Variants in OSBPL1A observed in about 807,000 individuals in gnomAD.
OSBPL1A encodes oxysterol-binding protein-related protein 1.
Under a neutral mutation model 137.1 loss-of-function variants are expected in OSBPL1A, and 80 were observed. That is an observed-to-expected ratio of 0.58 (90% CI 0.49 to 0.70). The LOEUF is 0.70. Ranked by LOEUF, OSBPL1A falls within the 30% of genes least tolerant of loss-of-function variation. The pLI is 0.00. For missense variants in OSBPL1A, 970 were observed against 1,129.4 expected, an observed-to-expected ratio of 0.86 and a Z score of 2.02; for synonymous variants, 365 against 389.7, an observed-to-expected ratio of 0.94 and a Z score of 0.75.
chr18:24,315,867 ATATAT>A (rs2090724557), intron 11 of OSBPL1A, among the ~76,000 whole-genome samples: 1 of 125,248 alleles, frequency 8.0e-6, no homozygotes, highest in South Asian at 2.2e-4. Flanking sequence ...AATATATAGT[ATATAT>A]TATATAATAA....
At chr18:24,234,525 AG>A (rs143292137) in intron 16 of OSBPL1A, among the ~76,000 whole-genome samples, 5,996 of 152,170 alleles carry the variant, frequency 0.039, 141 homozygotes, top group African/African-American at 0.049. Flanking sequence ...AAGCGATCCC[AG>A]GGGGGACGCC....
At chr18:24,376,960 C>G (rs957899352) in intron 2 of OSBPL1A, among the ~76,000 whole-genome samples, 2 of 152,220 alleles carry the variant, frequency 1.3e-5, no homozygotes, top group Non-Finnish European at 2.9e-5. Flanking sequence ...TTCCCGCTAG[C>G]GCCTCTCCTT....
intron 15 of OSBPL1A, among the ~76,000 whole-genome samples, chr18:24,258,654 G>C (rs1378609092): frequency 6.6e-6 from 1 of 152,140 alleles, no homozygotes; most frequent in Non-Finnish European, 1.5e-5. Context: ...ATGCTTGAGG[G>C]AATGGCTATC....
intron 19 of OSBPL1A, among the ~76,000 whole-genome samples, chr18:24,180,525 AAAG>A (rs1311555559): frequency 6.6e-6 from 1 of 152,022 alleles, no homozygotes; most frequent in Non-Finnish European, 1.5e-5. Context: ...AGAAAGTCTG[AAAG>A]AAGAAAGGTT....
intron 18 of OSBPL1A, among the ~76,000 whole-genome samples, chr18:24,194,093 T>C (rs2086961879): frequency 6.6e-6 from 1 of 152,130 alleles, no homozygotes; most frequent in Non-Finnish European, 1.5e-5. Context: ...TGACACCCAG[T>C]GAAACAGGAG....
chr18:24,396,356 CACA>C (rs1283699908), intron 1 of OSBPL1A, among the ~76,000 whole-genome samples: 1 of 152,034 alleles, frequency 6.6e-6, no homozygotes, highest in Admixed American at 6.6e-5. Context: ...TCTGCTGATT[CACA>C]ACGAGATATT....
chr18:24,319,565 C>T (rs1327053110), intron 7 of OSBPL1A, among the ~76,000 whole-genome samples: 1 of 152,106 alleles, frequency 6.6e-6, no homozygotes, highest in East Asian at 1.9e-4. Flanking sequence ...ATTTTTCCAA[C>T]CTTACACATG....
At chr18:24,372,604 G>A (rs907254874) in intron 2 of OSBPL1A, among the ~76,000 whole-genome samples, 23 of 152,050 alleles carry the variant, frequency 1.5e-4, no homozygotes, top group Admixed American at 1.4e-3. Context: ...CAATTAGCTC[G>A]ACTGACTCCA....
At chr18:24,264,766 A>G (rs963323604) in intron 15 of OSBPL1A, among the ~76,000 whole-genome samples, 13 of 152,324 alleles carry the variant, frequency 8.5e-5, no homozygotes, top group African/African-American at 3.1e-4. Context: ...TGGGCTGTCT[A>G]AAGACTTTTC....
intron 4 of OSBPL1A, among the ~76,000 whole-genome samples, chr18:24,360,664 C>A (rs1361133898): frequency 1.3e-5 from 2 of 152,160 alleles, no homozygotes; most frequent in Admixed American, 6.5e-5. Flanking sequence ...AAAATCGATT[C>A]TTGGAGGGGG....
At chr18:24,276,900 G>A (rs1567994968) in intron 15 of OSBPL1A, among the ~76,000 whole-genome samples, 1 of 152,162 alleles carries the variant, frequency 6.6e-6, no homozygotes. Context: ...ATGAAAGCCT[G>A]CACACACTGT....
chr18:24,280,482 A>G (rs1170836548), intron 15 of OSBPL1A, among the ~76,000 whole-genome samples: 1 of 152,238 alleles, frequency 6.6e-6, no homozygotes, highest in Non-Finnish European at 1.5e-5. Context: ...TAGTTTACAT[A>G]GATAAGTATG....
chr18:24,309,669 CAA>C (rs2090576888), intron 13 of OSBPL1A, among the ~76,000 whole-genome samples: 1 of 152,182 alleles, frequency 6.6e-6, no homozygotes, highest in Admixed American at 6.5e-5. Context: ...AGTCTACTGA[CAA>C]GCTATGATTC....
At chr18:24,356,781 C>G (rs2091543945) in intron 4 of OSBPL1A, among the ~76,000 whole-genome samples, 1 of 152,130 alleles carries the variant, frequency 6.6e-6, no homozygotes, top group South Asian at 2.1e-4. Flanking sequence ...TAAGAGAATG[C>G]AGGGGCCATG....
At chr18:24,300,361 G>A (rs1599636048) in intron 14 of OSBPL1A, among the ~76,000 whole-genome samples, 2 of 152,196 alleles carry the variant, frequency 1.3e-5, no homozygotes, top group African/African-American at 4.8e-5. Context: ...TAAATGCCCA[G>A]ATAAGTCTGC....
intron 17 of OSBPL1A, among the ~76,000 whole-genome samples, chr18:24,222,899 G>A: frequency 6.6e-6 from 1 of 152,134 alleles, no homozygotes; most frequent in Non-Finnish European, 1.5e-5. Flanking sequence ...TGGTGGTATG[G>A]GGTGAGGGAG....
intron 15 of OSBPL1A, among the ~76,000 whole-genome samples, chr18:24,278,677 A>G (rs1383203544): frequency 3.3e-5 from 5 of 152,224 alleles, no homozygotes; most frequent in South Asian, 2.1e-4. Flanking sequence ...TTAAAACCAT[A>G]TATCTCTGGA....
chr18:24,201,157 G>A (rs367842152), intron 17 of OSBPL1A, among the ~76,000 whole-genome samples: 25 of 152,244 alleles, frequency 1.6e-4, no homozygotes, highest in East Asian at 5.8e-4. Context: ...CCAGGGACTG[G>A]CAGTGATATG....
At chr18:24,379,764 G>A (rs1490127324) in intron 1 of OSBPL1A, among the ~76,000 whole-genome samples, 5 of 144,228 alleles carry the variant, frequency 3.5e-5, no homozygotes, top group Admixed American at 7.0e-5. Context: ...CAGCTATATC[G>A]GGAGGCTGAG....
Sources: gnomAD v4.1 joint callset for allele counts (sites outside exome capture counted in the v4.1 genomes callset) on GRCh38, gnomAD v4.1.1 for gene constraint, MANE v1.5 for transcripts, NCBI Gene and HGNC (gene_info 2026-07-23, HGNC 2026-07-21) for gene names.